Variants in PPL observed in about 807,000 individuals in gnomAD.
PPL encodes the protein periplakin, also known as 190 kDa paraneoplastic pemphigus antigen.
A neutral mutation model predicts 194.4 loss-of-function variants in PPL; 198 were observed. That is an observed-to-expected ratio of 1.02 (90% CI 0.91 to 1.15). PPL has a LOEUF of 1.15. Ranked by LOEUF, PPL falls within the 50% of genes most tolerant of loss-of-function variation. PPL has a pLI of 0.00. For missense variants in PPL, 2,885 were observed against 2,294.8 expected, an observed-to-expected ratio of 1.26 and a Z score of -5.25; for synonymous variants, 1,220 against 972.4, an observed-to-expected ratio of 1.25 and a Z score of -4.74.
Position 4,883,897 on chromosome 16 carries a change from GA to G in PPL, c.4757del (p.Ile1586ThrfsTer14). 1 of 1,613,976 alleles carries G rather than the reference GA, an allele frequency of 6.2e-7. No individual in the cohort carries two copies. Among genetic ancestry groups the G allele is most frequent in the South Asian group, 1.1e-5 (1 of 91,086 alleles). On this transcript the variant is annotated frameshift_variant, in exon 22 of 22. Coordinates refer to ENST00000345988, the MANE Select transcript of PPL (RefSeq NM_002705.5). LOFTEE classifies it high-confidence loss of function. The surrounding 1 kb of genome is among the most constrained non-coding windows in gnomAD (Gnocchi z 4.8). ...CTCGTGTTTCCGTCGCTGCCATGTT[GA>G]TTTCCGATTGGAGCCTTCGGGTCTC... ...QLETRRLQSE[I>X]NMAATETRDL...
chr16:4,889,304 G>T lies in PPL; in HGVS notation c.2314-243C>A, dbSNP rs562464198. ...CAGTCTCACTGCATCGCCCAGGCTG[G>T]AGTACAGTGGCGCGATCTCAGCTCA... On this transcript the variant is annotated intron_variant, in intron 18 of 21. Transcript: ENST00000345988. Among the ~76,000 whole-genome samples the T allele has an allele frequency of 2.8e-4, 37 of 133,276 alleles. No individual in the cohort carries two copies. The South Asian group carries it at 7.6e-3, about 28-fold the overall frequency. 87.4% of individuals were successfully genotyped at this position (133,276 alleles called of 152,430 possible). A position where few individuals can be genotyped will look rare whatever the true frequency, so the allele number is the denominator to read the frequency against.
chr16:4,910,899 G>T lies in PPL; in HGVS notation c.113C>A (p.Ala38Asp), dbSNP rs866868554. The T allele has an allele frequency of 6.2e-7, 1 of 1,613,700 alleles. No individual in the cohort carries two copies. Among genetic ancestry groups the T allele is most frequent in the Admixed American group, 1.7e-5 (1 of 60,016 alleles). The change falls in exon 2 of 22, where the codon GCC becomes GAC. Residue 38 changes from alanine to aspartate, a missense_variant. By Grantham distance (126) the Ala-to-Asp change is moderately radical. Coordinates refer to ENST00000345988, the MANE Select transcript of PPL (RefSeq NM_002705.5). ...CACGATGTTCTTCTCCACCTGGTCG[G>T]CATTCTTCTGCAGCTGCTCGATCAG... ...SELIEQLQKN[A>D]DQVEKNIVDT...
intron 1 of PPL, among the ~76,000 whole-genome samples, chr16:4,912,966 T>A (rs2088848845): frequency 6.6e-6 from 1 of 151,982 alleles, no homozygotes. Flanking sequence ...TAGCTAGGTG[T>A]GGTGGCATGC....
chr16:4,894,212 G>A (rs888186582), intron 12 of PPL, among the ~76,000 whole-genome samples: 2 of 152,196 alleles, frequency 1.3e-5, no homozygotes, highest in African/African-American at 2.4e-5. Context: ...GCGGGAGTCA[G>A]GGGCCCTTAG....
chr16:4,883,036 G>A lies in PPL; in HGVS notation c.*348C>T. 1 of 290,006 alleles carries A rather than the reference G, an allele frequency of 3.4e-6. No individual in the cohort carries two copies. 18.0% of individuals were successfully genotyped at this position (290,006 alleles called of 1,614,324 possible). On this transcript the variant is annotated 3_prime_UTR_variant, in exon 22 of 22. Transcript: ENST00000345988. The surrounding 1 kb of genome is among the most constrained non-coding windows in gnomAD (Gnocchi z 4.8). ...TACCCATGCTGCAAGGAGTGGGCTT[G>A]GCTGCTGTGGTTGGCTTGTCCTTCA...
chr16:4,901,236 T>G, intron 4 of PPL, 147 bp from the exon 5 acceptor site: 1 of 861,288 alleles, frequency 1.2e-6, no homozygotes, highest in Non-Finnish European at 1.7e-6. Flanking sequence ...TGGCCACACC[T>G]TCAACCCTGA....
intron 9 of PPL, among the ~76,000 whole-genome samples, chr16:4,897,132 C>T (rs1216728373): frequency 1.3e-5 from 2 of 151,076 alleles, no homozygotes; most frequent in East Asian, 2.0e-4. Context: ...GTCAGGAGTT[C>T]GAGACCAGCC....
intron 4 of PPL, 51 bp from the exon 5 acceptor site, chr16:4,901,140 G>A: frequency 6.2e-7 from 1 of 1,600,154 alleles, no homozygotes. Context: ...TGAGGGCTGG[G>A]GACGTGTGGC....
intron 1 of PPL, among the ~76,000 whole-genome samples, chr16:4,917,859 G>T (rs781140044): frequency 6.6e-6 from 1 of 151,098 alleles, no homozygotes; most frequent in Non-Finnish European, 1.5e-5. Flanking sequence ...CCGAGATTTC[G>T]CCACTGCATT....
rs746103719 is a variant in PPL, at chr16:4,899,127, T to TG, written c.769-8dup. The TG allele has an allele frequency of 1.1e-5, 18 of 1,613,518 alleles. No homozygotes were observed. Among genetic ancestry groups the TG allele is most frequent in the Non-Finnish European group, 1.4e-5 (16 of 1,179,780 alleles). ...GGTTCCGGTTGATGAAATTCTGCAG[T>TG]GGGGGGCAGTGGAGGGGCCTCAGTG... On this transcript the variant is annotated splice_region_variant and splice_polypyrimidine_tract_variant and intron_variant, in intron 7 of 21. Coordinates refer to ENST00000345988, the MANE Select transcript of PPL (RefSeq NM_002705.5).
chr16:4,899,022 G>A lies in PPL; in HGVS notation c.867C>T (p.Asn289=). ...QLLAAEHPGR[N]SIEAHMEAVH... is the part of the protein sequence containing the mutation. Reference sequence around the variant, plus strand: ...CTCGGGGTGCATGAACCTCAATGGAGTTCCTCCCGGGGTGCTCGGCCGCCA... The same window carrying A: ...CTCGGGGTGCATGAACCTCAATGGAATTCCTCCCGGGGTGCTCGGCCGCCA... The change falls in exon 8 of 22, where the codon AAC becomes AAT. Residue 289 remains asparagine, a synonymous_variant. Coordinates refer to ENST00000345988, the MANE Select transcript of PPL (RefSeq NM_002705.5). 1 of 1,613,552 alleles carries A rather than the reference G, an allele frequency of 6.2e-7. No individual in the cohort carries two copies. The highest frequency in any genetic ancestry group is 8.5e-7 in the Non-Finnish European group (1 of 1,179,892).
intron 1 of PPL, among the ~76,000 whole-genome samples, chr16:4,935,352 G>T (rs370336222): frequency 1.4e-4 from 21 of 152,298 alleles, no homozygotes; most frequent in Admixed American, 1.2e-3. Context: ...CCCACCACTG[G>T]TATGTGGGTG....
At chr16:4,934,362 G>A (rs1018054355) in intron 1 of PPL, among the ~76,000 whole-genome samples, 6 of 152,036 alleles carry the variant, frequency 3.9e-5, no homozygotes, top group African/African-American at 7.2e-5. Context: ...ACTACCTTGG[G>A]TATGAAAGTC....
At chr16:4,909,213 C>A in intron 2 of PPL, among the ~76,000 whole-genome samples, 1 of 152,134 alleles carries the variant, frequency 6.6e-6, no homozygotes, top group East Asian at 1.9e-4. Context: ...CCCCCTACAC[C>A]CCCGTGGACT....
chr16:4,907,222 A>G (rs757069577), intron 2 of PPL, among the ~76,000 whole-genome samples: 10 of 151,774 alleles, frequency 6.6e-5, no homozygotes, highest in Non-Finnish European at 1.3e-4. Flanking sequence ...TGATTGCGCC[A>G]CTGCACTCCA....
intron 1 of PPL, among the ~76,000 whole-genome samples, chr16:4,924,848 G>T (rs1429068321): frequency 6.6e-6 from 1 of 152,198 alleles, no homozygotes; most frequent in Non-Finnish European, 1.5e-5. Flanking sequence ...AGCCACCCCG[G>T]TAACAGATCA....
intron 1 of PPL, among the ~76,000 whole-genome samples, chr16:4,925,650 G>A (rs1031280761): frequency 6.6e-6 from 1 of 152,164 alleles, no homozygotes; most frequent in African/African-American, 2.4e-5. Context: ...ATGCAATTCG[G>A]TAACTCTTAT....
intron 19 of PPL, 35 bp downstream of exon 19, chr16:4,888,943 C>T (rs1414408468): frequency 1.9e-6 from 3 of 1,594,766 alleles, no homozygotes; most frequent in Non-Finnish European, 2.6e-6. Flanking sequence ...AAGACCCCTG[C>T]TGTTTGTGCT....
At chr16:4,936,678 G>C (rs1209741755) in intron 1 of PPL, among the ~76,000 whole-genome samples, 1 of 152,074 alleles carries the variant, frequency 6.6e-6, no homozygotes, top group African/African-American at 2.4e-5. Flanking sequence ...GGACACGGGG[G>C]TGCCCTGTAC....
Sources: gnomAD v4.1 joint callset for allele counts (sites outside exome capture counted in the v4.1 genomes callset) on GRCh38, gnomAD v4.1.1 for gene constraint, Gnocchi (gnomAD v3.1) non-coding constraint, MANE v1.5 for transcripts, NCBI Gene and HGNC (gene_info 2026-07-23, HGNC 2026-07-21) for gene names.